Variants in POLR3B observed in about 807,000 individuals in gnomAD.
The protein encoded by POLR3B is RNA polymerase III subunit B.
In POLR3B, 96 loss-of-function variants were observed where a neutral mutation model predicts 147.4. That is an observed-to-expected ratio of 0.65 (90% CI 0.55 to 0.77). The LOEUF (loss-of-function observed/expected upper bound fraction) is 0.77, where lower values mean the gene tolerates loss of function less well. POLR3B is among the 30% of genes least tolerant of loss of function. The probability of loss-of-function intolerance (pLI) is 0.00; values close to 1 mark genes in which losing one functional copy is unlikely to be tolerated. For synonymous variants in POLR3B, 461 were observed against 485.9 expected (o/e 0.95, Z 0.67); for missense variants, 1,036 against 1,413.5 (o/e 0.73, Z 4.28).
Position 106,437,696 on chromosome 12 carries a change from CT to C in POLR3B, c.1874del (p.Leu625TyrfsTer9). On this transcript the variant is annotated frameshift_variant, in exon 18 of 28. Transcript: ENST00000228347. LOFTEE classifies it high-confidence loss of function. ...ATTTTCCCAGGAATTTTGAAGATTT[CT>C]TACATGAGAGTCTGGTTGAATATTT... is the stretch of plus-strand genomic sequence containing the variant. ...AQGYRNFEDF[L>X]HESLVEYLDV... The C allele has an allele frequency of 6.3e-7, 1 of 1,594,428 alleles. No individual in the cohort carries two copies. Among genetic ancestry groups the C allele is most frequent in the Non-Finnish European group, 8.6e-7 (1 of 1,162,432 alleles).
intron 23 of POLR3B, among the ~76,000 whole-genome samples, chr12:106,481,332 G>A (rs193018542): frequency 1.3e-5 from 2 of 152,360 alleles, no homozygotes; most frequent in Non-Finnish European, 2.9e-5. Context: ...TGAGGAATTG[G>A]TGAGAAGGGA....
chr12:106,438,501 GTT>G (rs1186814322), intron 18 of POLR3B, among the ~76,000 whole-genome samples: 1 of 143,114 alleles, frequency 7.0e-6, no homozygotes. Context: ...CCATATATAT[GTT>G]TTTTTTTTTT....
At chr12:106,394,158 A>G (rs527502858) in intron 10 of POLR3B, among the ~76,000 whole-genome samples, 63 of 152,338 alleles carry the variant, frequency 4.1e-4, no homozygotes, top group African/African-American at 1.4e-3. Flanking sequence ...TACACTAGAT[A>G]TTTAGGAAGA....
chr12:106,363,953 C>A (rs1011986009), intron 2 of POLR3B, 51 bp downstream of exon 2: 3 of 1,341,320 alleles, frequency 2.2e-6, no homozygotes, highest in African/African-American at 2.9e-5. Flanking sequence ...ATGAAAAAGT[C>A]AAGAAATAAG....
In POLR3B at chr12:106,378,340, C is replaced by A; in HGVS notation, c.570C>A (p.Ile190=). The A allele has an allele frequency of 6.2e-7, 1 of 1,613,754 alleles. No individual in the cohort carries two copies. Among genetic ancestry groups the A allele is most frequent in the Non-Finnish European group, 8.5e-7 (1 of 1,179,720 alleles). Residue 190 remains isoleucine (I), a synonymous_variant, in exon 8 of 28, where the codon ATC becomes ATA. Coordinates refer to ENST00000228347, the MANE Select transcript of POLR3B (RefSeq NM_018082.6). ...AGCAGCTGTCTAAGAACAGGATCAT[C>A]GTGGAGGCTGATAGAAAAGGGGCTG... ...IQEQLSKNRI[I]VEADRKGAVG...
At chr12:106,477,857 G>C (rs1448919673) in intron 23 of POLR3B, among the ~76,000 whole-genome samples, 1 of 149,622 alleles carries the variant, frequency 6.7e-6, no homozygotes, top group Admixed American at 6.7e-5. Flanking sequence ...CTGTAGACGG[G>C]AGCTGTTCCT....
At position 106,509,401 on chromosome 12, in the gene POLR3B, T is replaced by C. The variant is rs1565920654; in HGVS notation, c.3273-19T>C. The C allele has an allele frequency of 1.2e-6, 2 of 1,613,260 alleles. No homozygotes were observed. Among genetic ancestry groups the C allele is most frequent in the African/African-American group, 2.7e-5 (2 of 74,908 alleles). On this transcript the variant is annotated intron_variant, in intron 27 of 27. Transcript: ENST00000228347. ...TTCCGAGTTGCTGTCTGTCTAACGC[T>C]TGCTGACTTGCGTTTCAGGTGCCAT...
In POLR3B at chr12:106,366,567, G is replaced by A; in HGVS notation, c.157G>A (p.Val53Ile). The A allele has an allele frequency of 1.2e-6, 2 of 1,605,696 alleles. No homozygotes were observed. Among genetic ancestry groups the A allele is most frequent in the Non-Finnish European group, 1.7e-6 (2 of 1,172,378 alleles). ...AGATTCATTTAACTATTTCATTAATGTAGAGGTAAGCATCAGATGTTAGAA... is the reference window on the plus strand; with the variant it reads ...AGATTCATTTAACTATTTCATTAATATAGAGGTAAGCATCAGATGTTAGAA... ...HIDSFNYFIN[V>I]EIKKIMKANE... Residue 53 changes from valine to isoleucine, a missense_variant, in exon 3 of 28, where the codon GTA becomes ATA. By Grantham distance (29) the Val-to-Ile change is conservative. Coordinates refer to ENST00000228347, the MANE Select transcript of POLR3B (RefSeq NM_018082.6).
chr12:106,413,143 C>T (rs757903017), intron 12 of POLR3B, among the ~76,000 whole-genome samples: 1 of 152,080 alleles, frequency 6.6e-6, no homozygotes. Flanking sequence ...TTGAAAGAGT[C>T]CTATTTGTCT....
At chr12:106,406,252 G>C (rs2037149587) in intron 11 of POLR3B, among the ~76,000 whole-genome samples, 2 of 151,834 alleles carry the variant, frequency 1.3e-5, no homozygotes, top group African/African-American at 4.8e-5. Context: ...CATTAGTACT[G>C]CTACTAGATT....
intron 23 of POLR3B, among the ~76,000 whole-genome samples, chr12:106,490,471 G>A (rs1241959642): frequency 6.6e-6 from 1 of 152,136 alleles, no homozygotes; most frequent in African/African-American, 2.4e-5. Context: ...TAATAAGAAA[G>A]CTAATCAAGT....
At chr12:106,461,239 A>G (rs2037930040) in intron 22 of POLR3B, among the ~76,000 whole-genome samples, 1 of 152,020 alleles carries the variant, frequency 6.6e-6, no homozygotes, top group Admixed American at 6.6e-5. Flanking sequence ...GACTACAGGC[A>G]CACACCACCA....
chr12:106,491,103 G>T (rs1291274437), intron 23 of POLR3B, among the ~76,000 whole-genome samples: 1 of 152,086 alleles, frequency 6.6e-6, no homozygotes, highest in Non-Finnish European at 1.5e-5. Flanking sequence ...GAGTAATTAG[G>T]TTTCTTATAT....
intron 10 of POLR3B, among the ~76,000 whole-genome samples, chr12:106,397,124 C>CAA (rs1261298197): frequency 9.3e-5 from 10 of 108,034 alleles, no homozygotes; most frequent in African/African-American, 2.6e-4. Flanking sequence ...GACCCTGTCT[C>CAA]AAAAAAAAAA....
At chr12:106,405,601 G>T (rs1013531940) in intron 10 of POLR3B, among the ~76,000 whole-genome samples, 2 of 146,724 alleles carry the variant, frequency 1.4e-5, no homozygotes, top group South Asian at 4.4e-4. Context: ...ACTTGTGTCT[G>T]TATTTTCTAA....
rs201647875 is a variant in POLR3B, at chr12:106,482,298, G to C, written c.2714-13757G>C. ...TGTTGTTAAATATCCAGAATACCTT[G>C]TTGGCTAACTTAGTGTGTTATTCCA... On this transcript the variant is annotated intron_variant, in intron 23 of 27. Transcript: ENST00000228347. 5.1e-4 allele frequency among the ~76,000 whole-genome samples: 78 copies of C among 152,236 alleles called. 5 individuals are homozygous for C. In the South Asian group the frequency reaches 0.013, roughly 26 times the overall value.
intron 13 of POLR3B, among the ~76,000 whole-genome samples, chr12:106,427,701 AC>A (rs1252907565): frequency 6.6e-6 from 1 of 152,150 alleles, no homozygotes; most frequent in Non-Finnish European, 1.5e-5. Context: ...TTAATTATCA[AC>A]CTTTTGTCCA....
intron 4 of POLR3B, among the ~76,000 whole-genome samples, chr12:106,368,974 A>G (rs2036567849): frequency 6.6e-6 from 1 of 151,976 alleles, no homozygotes; most frequent in South Asian, 2.1e-4. Flanking sequence ...ATAGCATATC[A>G]TCAGTACTCT....
chr12:106,477,315 C>T (rs1207362860), intron 23 of POLR3B, among the ~76,000 whole-genome samples: 399 of 92,974 alleles, frequency 4.3e-3, no homozygotes, highest in Middle Eastern at 9.7e-3. Context: ...TTACTGCTGT[C>T]TTTTTGTTTG....
Sources: allele counts gnomAD v4.1 joint callset (sites outside exome capture counted in the v4.1 genomes callset), GRCh38; gene constraint gnomAD v4.1.1; transcripts MANE v1.5; gene names NCBI Gene and HGNC (gene_info 2026-07-23, HGNC 2026-07-21).